The following BANP variants were observed in gnomAD, a reference collection of about 807,000 sequenced individuals.
The protein encoded by BANP is BTG3 associated nuclear protein, also known as protein BANP.
BANP carries 11 observed loss-of-function variants against 68.1 expected under a neutral mutation model. The observed-to-expected ratio is 0.16, with a 90% confidence interval of 0.10 to 0.27. The LOEUF (loss-of-function observed/expected upper bound fraction) is 0.27. Ranked by LOEUF, BANP falls within the 10% of genes least tolerant of loss-of-function variation. The probability of loss-of-function intolerance (pLI) is 1.00; values close to 1 mark genes in which losing one functional copy is unlikely to be tolerated. For synonymous variants in BANP, 329 were observed against 303.2 expected (o/e 1.09, Z -0.88); for missense variants, 504 against 722.7 (o/e 0.70, Z 3.47).
At chr16:87,956,364 A>G (rs537873667) in intron 1 of BANP, among the ~76,000 whole-genome samples, 3 of 152,366 alleles carry the variant, frequency 2.0e-5, no homozygotes, top group Middle Eastern at 3.4e-3. Context: ...TGCCTGAGGT[A>G]GATAAACATC....
chr16:88,066,481 A>G (rs375144478), intron 12 of BANP, among the ~76,000 whole-genome samples: 2 of 151,892 alleles, frequency 1.3e-5, no homozygotes, highest in Non-Finnish European at 2.9e-5. Context: ...GCTCGAAGGA[A>G]CCCAGCTTCG....
chr16:87,951,554 C>A (rs2056842872), intron 1 of BANP, 39 bp downstream of exon 1: 1 of 152,706 alleles, frequency 6.5e-6, no homozygotes, highest in Non-Finnish European at 1.5e-5. Flanking sequence ...CCTCCGCCTC[C>A]CCCTTCCCGC....
intron 11 of BANP, among the ~76,000 whole-genome samples, chr16:88,044,833 A>C (rs2081599639): frequency 6.6e-6 from 1 of 152,188 alleles, no homozygotes; most frequent in South Asian, 2.1e-4. Context: ...AATGCAAAAA[A>C]TTAGCCGGTG....
chr16:88,046,819 C>A (rs1303803982), intron 11 of BANP, among the ~76,000 whole-genome samples: 1 of 152,092 alleles, frequency 6.6e-6, no homozygotes, highest in East Asian at 1.9e-4. Context: ...GTAATCCCAG[C>A]ACTTTAGGAG....
chr16:88,072,327 G>A (rs761512343), intron 13 of BANP, 115 bp downstream of exon 13: 33 of 1,237,890 alleles, frequency 2.7e-5, no homozygotes, highest in African/African-American at 9.0e-5. Context: ...CAGAGGGCAC[G>A]TGATTGGACA....
intron 11 of BANP, among the ~76,000 whole-genome samples, chr16:88,047,113 C>G (rs112666946): frequency 2.0e-4 from 31 of 152,108 alleles, no homozygotes; most frequent in African/African-American, 7.5e-4. Context: ...TTTTGGTGAT[C>G]TTAGGGAGCC....
intron 7 of BANP, among the ~76,000 whole-genome samples, chr16:88,020,529 C>A (rs569608758): frequency 1.3e-5 from 2 of 152,364 alleles, no homozygotes; most frequent in African/African-American, 2.4e-5. Flanking sequence ...TAGATAGAAA[C>A]GTCTGCAACC....
At chr16:88,028,931 A>T (rs1218905168) in intron 8 of BANP, among the ~76,000 whole-genome samples, 2 of 152,158 alleles carry the variant, frequency 1.3e-5, no homozygotes, top group African/African-American at 4.8e-5. Context: ...GATAATTTTT[A>T]TTTTTCCCTT....
Position 87,957,001 on chromosome 16 carries a change from C to G in BANP, c.-69+5486C>G, listed in dbSNP as rs2058188353. On this transcript the variant is annotated intron_variant, in intron 1 of 13. Coordinates refer to ENST00000682872, the MANE Select transcript of BANP (RefSeq NM_001386991.1). This position sits in a 1 kb window ranked among gnomAD's most constrained non-coding sequence, Gnocchi z 4.3. ...TTAAAATGTGCAGGAAGTGTTAACTCCTAAGCTGCCAGCAGATGGTGTGCC... is the reference window on the plus strand; with the variant it reads ...TTAAAATGTGCAGGAAGTGTTAACTGCTAAGCTGCCAGCAGATGGTGTGCC... 1 of 152,218 alleles carries G rather than the reference C, an allele frequency of 6.6e-6. No homozygotes were observed. Among genetic ancestry groups the G allele is most frequent in the Non-Finnish European group, 1.5e-5 (1 of 68,062 alleles). 9.4% of individuals were successfully genotyped at this position (152,218 alleles called of 1,614,324 possible).
At chr16:87,983,858 C>T (rs1212381388) in intron 3 of BANP, among the ~76,000 whole-genome samples, 10 of 152,198 alleles carry the variant, frequency 6.6e-5, no homozygotes, top group Admixed American at 6.5e-4. Context: ...ACATTTGAAA[C>T]AGGACGTGTG....
intron 4 of BANP, among the ~76,000 whole-genome samples, chr16:88,001,376 C>G (rs1286626584): frequency 6.6e-6 from 1 of 152,236 alleles, no homozygotes; most frequent in Non-Finnish European, 1.5e-5. Context: ...CTGGACTTAC[C>G]TGTCCTTCCA....
chr16:87,977,376 G>A (rs540753906), intron 2 of BANP, among the ~76,000 whole-genome samples: 20 of 151,006 alleles, frequency 1.3e-4, no homozygotes, highest in Admixed American at 4.0e-4. Context: ...CTGAGATCGC[G>A]CCACTGCACT....
chr16:88,001,296 G>T (rs191943958), intron 4 of BANP, among the ~76,000 whole-genome samples: 4 of 105,208 alleles, frequency 3.8e-5, no homozygotes, highest in Non-Finnish European at 5.6e-5. Context: ...CAACATGCAC[G>T]CACGTGCGCG....
At chr16:88,067,265 G>T (rs546451825) in intron 12 of BANP, among the ~76,000 whole-genome samples, 1 of 152,094 alleles carries the variant, frequency 6.6e-6, no homozygotes, top group East Asian at 1.9e-4. Context: ...GGTCAGAGCC[G>T]CTGGGCTGGG....
At chr16:88,012,058 C>G (rs6540142) in intron 6 of BANP, among the ~76,000 whole-genome samples, 1 of 152,144 alleles carries the variant, frequency 6.6e-6, no homozygotes, top group Non-Finnish European at 1.5e-5. Flanking sequence ...TTGTGGGGCA[C>G]ATAATTATGA....
chr16:87,953,009 G>A (rs78789416), intron 1 of BANP, among the ~76,000 whole-genome samples: 17 of 152,084 alleles, frequency 1.1e-4, no homozygotes, highest in Non-Finnish European at 2.5e-4. Flanking sequence ...TTAAAAAAGA[G>A]CTTCCATTTG....
At chr16:87,988,371 C>A (rs1472672535) in intron 4 of BANP, among the ~76,000 whole-genome samples, 2 of 152,122 alleles carry the variant, frequency 1.3e-5, no homozygotes, top group African/African-American at 2.4e-5. Context: ...TCTAGTGATT[C>A]TCCTGCCTCA....
intron 1 of BANP, among the ~76,000 whole-genome samples, chr16:87,961,458 C>G (rs1056269484): frequency 6.6e-6 from 1 of 150,990 alleles, no homozygotes; most frequent in Admixed American, 6.7e-5. Context: ...GAGCCACTTC[C>G]CCTGGTGAGG....
chr16:88,014,975 G>A (rs999058547), intron 6 of BANP, among the ~76,000 whole-genome samples: 1 of 152,050 alleles, frequency 6.6e-6, no homozygotes, highest in African/African-American at 2.4e-5. Context: ...TTACTGAGCA[G>A]CTCTGTAATC....
Sources: gnomAD v4.1 joint callset for allele counts (sites outside exome capture counted in the v4.1 genomes callset) on GRCh38, gnomAD v4.1.1 for gene constraint, Gnocchi (gnomAD v3.1) non-coding constraint, MANE v1.5 for transcripts, NCBI Gene and HGNC (gene_info 2026-07-23, HGNC 2026-07-21) for gene names.